The following SLC35D4 variants were observed in gnomAD, a reference collection of about 807,000 sequenced individuals.
The protein encoded by SLC35D4 is UDP-N-acetylglucosamine transporter SLC35D4.
the SLC35D4 span, among the ~76,000 whole-genome samples, chr18:23,334,862 T>A: frequency 6.6e-6 from 1 of 151,916 alleles, no homozygotes; most frequent in East Asian, 1.9e-4. Context: ...AAAAATTAAC[T>A]GGGCTTGGTG....
At chr18:23,402,103 G>T in the SLC35D4 span, among the ~76,000 whole-genome samples, 188 of 152,318 alleles carry the variant, frequency 1.2e-3, no homozygotes, top group South Asian at 2.1e-3. Context: ...AGACACACAG[G>T]AGAGGCAGTG....
chr18:23,396,533 C>A, the SLC35D4 span, among the ~76,000 whole-genome samples: 1 of 152,186 alleles, frequency 6.6e-6, no homozygotes, highest in East Asian at 1.9e-4. Flanking sequence ...GCCCTCCTCC[C>A]ACTCTAATTG....
At chr18:23,330,331 C>A in the SLC35D4 span, among the ~76,000 whole-genome samples, 1 of 152,060 alleles carries the variant, frequency 6.6e-6, no homozygotes, top group Non-Finnish European at 1.5e-5. Flanking sequence ...GGTAGAGTCC[C>A]ATAAGCTTTT....
the SLC35D4 span, among the ~76,000 whole-genome samples, chr18:23,239,424 G>A: frequency 1.3e-5 from 2 of 152,174 alleles, no homozygotes; most frequent in Admixed American, 6.5e-5. Flanking sequence ...GGAAATCCAC[G>A]TTTCAGAATT....
chr18:23,350,567 A>G, the SLC35D4 span, among the ~76,000 whole-genome samples: 2 of 152,148 alleles, frequency 1.3e-5, no homozygotes, highest in Non-Finnish European at 2.9e-5. Context: ...AATCTGGGAC[A>G]TATTAAAAAA....
the SLC35D4 span, among the ~76,000 whole-genome samples, chr18:23,422,625 G>A: frequency 1.3e-5 from 2 of 151,934 alleles, no homozygotes; most frequent in African/African-American, 4.8e-5. Context: ...CAGTCAAAGC[G>A]TTTGTCCTAA....
chr18:23,265,216 A>G, the SLC35D4 span, among the ~76,000 whole-genome samples: 6 of 152,202 alleles, frequency 3.9e-5, no homozygotes, highest in Non-Finnish European at 8.8e-5. Flanking sequence ...GACACTGACC[A>G]GAAATGAGAG....
the SLC35D4 span, among the ~76,000 whole-genome samples, chr18:23,255,699 A>G: frequency 6.6e-6 from 1 of 151,676 alleles, no homozygotes; most frequent in East Asian, 1.9e-4. Flanking sequence ...AGCTGGAACT[A>G]CAGGCATGTA....
the SLC35D4 span, among the ~76,000 whole-genome samples, chr18:23,319,517 C>T: frequency 4.6e-5 from 7 of 152,162 alleles, no homozygotes; most frequent in African/African-American, 1.7e-4. Context: ...GATCTTGGCT[C>T]ACTGCAACCT....
chr18:23,437,829 G>A, the SLC35D4 span: 4 of 1,612,958 alleles, frequency 2.5e-6, no homozygotes, highest in South Asian at 2.2e-5. Context: ...AGGTGAGGCC[G>A]ACCAGAGACC....
the SLC35D4 span, among the ~76,000 whole-genome samples, chr18:23,338,198 T>C: frequency 1.3e-5 from 2 of 152,248 alleles, no homozygotes; most frequent in Non-Finnish European, 2.9e-5. Flanking sequence ...ACATTGTGAA[T>C]GATGCATCAA....
At chr18:23,369,223 T>C in the SLC35D4 span, among the ~76,000 whole-genome samples, 1 of 152,314 alleles carries the variant, frequency 6.6e-6, no homozygotes, top group East Asian at 1.9e-4. Flanking sequence ...AACACTTTAT[T>C]AAAAGAACAA....
At chr18:23,301,920 T>C in the SLC35D4 span, among the ~76,000 whole-genome samples, 4 of 152,234 alleles carry the variant, frequency 2.6e-5, no homozygotes, top group Non-Finnish European at 5.9e-5. Flanking sequence ...GGGCTTGAAA[T>C]AGATTGTTTT....
At chr18:23,405,021 A>T in the SLC35D4 span, among the ~76,000 whole-genome samples, 3 of 145,678 alleles carry the variant, frequency 2.1e-5, no homozygotes, top group South Asian at 2.2e-4. Context: ...AAAAAAAAAA[A>T]AACAGGCCCA....
the SLC35D4 span, among the ~76,000 whole-genome samples, chr18:23,243,850 C>T: frequency 2.1e-5 from 3 of 140,920 alleles, no homozygotes; most frequent in Admixed American, 1.5e-4. Flanking sequence ...CCGGCCTGGG[C>T]GATAAGACCA....
the SLC35D4 span, among the ~76,000 whole-genome samples, chr18:23,294,565 C>G: frequency 6.6e-6 from 1 of 152,078 alleles, no homozygotes; most frequent in African/African-American, 2.4e-5. Context: ...GAACAACAGG[C>G]AGGGGGCAAC....
chr18:23,278,844 A>G, the SLC35D4 span, among the ~76,000 whole-genome samples: 2 of 151,876 alleles, frequency 1.3e-5, no homozygotes, highest in Admixed American at 6.6e-5. Context: ...CAACTCTACT[A>G]AAATTAAAAC....
the SLC35D4 span, among the ~76,000 whole-genome samples, chr18:23,274,941 T>G: frequency 6.6e-6 from 1 of 150,548 alleles, no homozygotes; most frequent in Non-Finnish European, 1.5e-5. Flanking sequence ...TTGTGTGTGT[T>G]TGTGAGTGTA....
the SLC35D4 span, among the ~76,000 whole-genome samples, chr18:23,243,468 G>GTTTTTTTTTTTTTTTTTTTTTTGTTT: frequency 9.8e-6 from 1 of 101,878 alleles, no homozygotes; most frequent in Non-Finnish European, 2.0e-5. Flanking sequence ...TGGGTTTGGT[G>GTTTTTTTTTTTTTTTTTTTTTTGTTT]TTTTTTTTTT....
Sources: allele counts gnomAD v4.1 joint callset (sites outside exome capture counted in the v4.1 genomes callset), GRCh38; gene constraint gnomAD v4.1.1; transcripts MANE v1.5; gene names NCBI Gene and HGNC (gene_info 2026-07-23, HGNC 2026-07-21).